MCM3AP: variants seen among roughly 807,000 people sequenced by gnomAD.
The protein encoded by MCM3AP is germinal-center associated nuclear protein.
In MCM3AP, 126 loss-of-function variants were observed where a neutral mutation model predicts 184.1. The observed-to-expected ratio is 0.68, with a 90% confidence interval of 0.59 to 0.79. The LOEUF (loss-of-function observed/expected upper bound fraction) is 0.79, where lower values mean the gene tolerates loss of function less well. Ranked by LOEUF, MCM3AP falls within the 30% of genes least tolerant of loss-of-function variation. The probability of loss-of-function intolerance (pLI) is 0.00; values close to 1 mark genes in which losing one functional copy is unlikely to be tolerated. For synonymous variants in MCM3AP, 1,002 were observed against 979.3 expected, an observed-to-expected ratio of 1.02 and a Z score of -0.43; for missense variants, 2,496 against 2,479.2, an observed-to-expected ratio of 1.01 and a Z score of -0.14.
At position 46,242,904 on chromosome 21, in the gene MCM3AP, C is replaced by T; in HGVS notation, c.5324G>A (p.Cys1775Tyr). ...SEALSEDGQI[C>Y]VYFFKNDLKK... is the part of the protein sequence containing the mutation. The stretch of plus-strand genomic sequence containing the variant: ...CAAATCGTTTTTAAAAAAATACACA[C>T]ATATCTGACCATCTTCACTCAGCGC... The change falls in exon 25 of 28, where the codon TGT becomes TAT. Residue 1775 changes from cysteine to tyrosine, a missense_variant. Around this residue, in one of 5 missense-constraint regions of MCM3AP, gnomAD observed 1,323 missense variants for 1,273.4 expected, o/e 1.04. Coordinates refer to ENST00000291688, the MANE Select transcript of MCM3AP (RefSeq NM_003906.5). The T allele has an allele frequency of 6.2e-7, 1 of 1,611,014 alleles. No individual in the cohort carries two copies. The highest frequency in any genetic ancestry group is 8.5e-7 in the Non-Finnish European group (1 of 1,178,734).
chr21:46,275,343 A>G lies in MCM3AP; in HGVS notation c.1859-18T>C, dbSNP rs193121619. 1.1e-4 allele frequency: 180 copies of G among 1,608,722 alleles called. 1 individual carries two copies. The Admixed American group carries it at 2.1e-3, about 19-fold the overall frequency. Reference sequence around the variant, plus strand: ...CACCCGAGCTAAATGACGTCAAGTAAAAGGTAAGAATGTACCACATGGTTA... The same window carrying G: ...CACCCGAGCTAAATGACGTCAAGTAGAAGGTAAGAATGTACCACATGGTTA... On this transcript the variant is annotated intron_variant, in intron 5 of 27. Coordinates refer to ENST00000291688, the MANE Select transcript of MCM3AP (RefSeq NM_003906.5).
At position 46,280,504 on chromosome 21, in the gene MCM3AP, C is replaced by T; in HGVS notation, c.1515G>A (p.Lys505=). The T allele has an allele frequency of 1.2e-6, 2 of 1,606,542 alleles. No homozygotes were observed. The highest frequency in any genetic ancestry group is 1.7e-6 in the Non-Finnish European group (2 of 1,175,022). The change falls in exon 3 of 28, where the codon AAG becomes AAA. Residue 505 remains lysine (K), a synonymous_variant. Transcript: ENST00000291688. ...HKDMAIFWHR[K]KISPNKKPFS... is the part of the protein sequence containing the mutation. Reference sequence around the variant, plus strand: ...GAATAATTGAAAACTCACTTATTTTCTTCCTGTGCCAAAAGATAGCCATGT... The same window carrying T: ...GAATAATTGAAAACTCACTTATTTTTTTCCTGTGCCAAAAGATAGCCATGT...
Position 46,267,487 on chromosome 21 carries a change from G to C in MCM3AP, c.2629-345C>G, listed in dbSNP as rs1363883027. On this transcript the variant is annotated intron_variant, in intron 9 of 27. Coordinates refer to ENST00000291688, the MANE Select transcript of MCM3AP (RefSeq NM_003906.5). ...GACAAAAGGCCAGGAAGGTGCTGCA[G>C]AGGACCCCGGAGACCATGGAATGCC... The C allele has an allele frequency of 1.4e-5, 3 of 221,126 alleles. No individual in the cohort carries two copies. In the East Asian group the frequency reaches 3.4e-4, roughly 25 times the overall value. The allele number at this position is 221,126 out of a possible 1,614,324, so 13.7% of individuals were successfully genotyped here.
Position 46,266,010 on chromosome 21 carries a change from G to A in MCM3AP, c.2946C>T (p.Ser982=), listed in dbSNP as rs763273799. The A allele has an allele frequency of 6.8e-6, 11 of 1,610,084 alleles. No individual in the cohort carries two copies. In the East Asian group the frequency reaches 2.5e-4, roughly 36 times the overall value. Residue 982 remains serine (S), a synonymous_variant, in exon 11 of 28, where the codon AGC becomes AGT. Transcript: ENST00000291688. The stretch of plus-strand genomic sequence containing the variant: ...CGATGTACTTGTTCTGGGAGTTGAA[G>A]CTGCACACAGGGGTATGACGAGGGA... The part of the protein sequence containing the change: ...PPVPRHTPVC[S]FNSQNKYIGE...
intron 5 of MCM3AP, among the ~76,000 whole-genome samples, chr21:46,276,737 AGC>A (rs943680153): frequency 3.8e-5 from 5 of 130,434 alleles, no homozygotes; most frequent in Non-Finnish European, 8.4e-5. Context: ...CACCACGCCC[AGC>A]ATTTTTTTTT....
Position 46,240,893 on chromosome 21 carries a change from G to A in MCM3AP, c.5551C>T (p.Leu1851=). The A allele has an allele frequency of 1.9e-6, 3 of 1,614,206 alleles. No individual in the cohort carries two copies. Among genetic ancestry groups the A allele is most frequent in the Non-Finnish European group, 2.5e-6 (3 of 1,180,022 alleles). ...QEGRIPSTED[L]MRGASAEELL... ...TCCTCAGCAGAAGCTCCTCGCATCA[G>A]ATCCTCTGTGCTGGGAATCCTCCCC... The change falls in exon 26 of 28, where the codon CTG becomes TTG. Residue 1851 remains leucine, a synonymous_variant. Transcript: ENST00000291688.
At chr21:46,266,369 A>G (rs2081112380) in intron 10 of MCM3AP, 2 of 485,594 alleles carry the variant, frequency 4.1e-6, no homozygotes, top group East Asian at 3.3e-5. Flanking sequence ...GCGTGTTAAC[A>G]GACGCACGCT....
chr21:46,245,231 C>G lies in MCM3AP; in HGVS notation c.4648-34G>C, dbSNP rs747416085. On this transcript the variant is annotated intron_variant, in intron 22 of 27. Transcript: ENST00000291688. ...AAAGAAGAGACTTGGTTGAACAATT[C>G]ACACTGTTTTTCAAAAACAGCTTTC... 3.2e-6 allele frequency: 5 copies of G among 1,564,678 alleles called. No homozygotes were observed. The Admixed American group carries it at 5.9e-5, about 19-fold the overall frequency.
intron 19 of MCM3AP, chr21:46,252,920 A>C (rs2080895412): frequency 6.6e-6 from 1 of 152,210 alleles, no homozygotes; most frequent in African/African-American, 2.4e-5. Flanking sequence ...AAGCATGCAG[A>C]TTGCTTGAGC....
At chr21:46,276,865 G>A (rs1419765062) in intron 5 of MCM3AP, among the ~76,000 whole-genome samples, 1 of 151,916 alleles carries the variant, frequency 6.6e-6, no homozygotes, top group Non-Finnish European at 1.5e-5. Flanking sequence ...AGCCTCCCAG[G>A]TAGCTGGGAC....
chr21:46,280,401 C>T, intron 3 of MCM3AP, 96 bp downstream of exon 3: 8 of 985,016 alleles, frequency 8.1e-6, no homozygotes, highest in Non-Finnish European at 1.2e-5. Context: ...TGCCTGTAAT[C>T]CCAAGATCAG....
At chr21:46,272,284 TTCC>T (rs2081190785) in intron 8 of MCM3AP, among the ~76,000 whole-genome samples, 1 of 152,224 alleles carries the variant, frequency 6.6e-6, no homozygotes, top group East Asian at 1.9e-4. Flanking sequence ...GGAGGATTCC[TTCC>T]TCATTTTCTC....
At chr21:46,271,990 G>A (rs760790441) in intron 8 of MCM3AP, among the ~76,000 whole-genome samples, 6 of 151,724 alleles carry the variant, frequency 4.0e-5, no homozygotes, top group South Asian at 2.1e-4. Flanking sequence ...AACTAAAGGG[G>A]ACACTGTCCA....
intron 20 of MCM3AP, among the ~76,000 whole-genome samples, chr21:46,248,673 A>C (rs948864147): frequency 1.3e-5 from 2 of 152,170 alleles, no homozygotes; most frequent in Non-Finnish European, 2.9e-5. Flanking sequence ...CTTAGACCCC[A>C]AAAACCCTAA....
chr21:46,248,060 G>C (rs1372728495), intron 20 of MCM3AP, among the ~76,000 whole-genome samples: 1 of 152,236 alleles, frequency 6.6e-6, no homozygotes, highest in African/African-American at 2.4e-5. Context: ...CAATCCCTGG[G>C]TTAGGGAAGC....
rs2839183 is a variant in MCM3AP, at chr21:46,267,230, G to A, written c.2629-88C>T. The A allele has an allele frequency of 0.39, 515,586 of 1,319,724 alleles. 102,898 individuals are homozygous for A. Among genetic ancestry groups the A allele is most frequent in the African/African-American group, 0.44 (30,112 of 69,012 alleles). 81.8% of individuals were successfully genotyped at this position (1,319,724 alleles called of 1,614,324 possible). A position where few individuals can be genotyped will look rare whatever the true frequency, so the allele number is the denominator to read the frequency against. ...GCCCATGACCACAGCCATGGCCAGCGTGGGGCACATGGGCTCCTCCTGGGC... is the reference window on the plus strand; with the variant it reads ...GCCCATGACCACAGCCATGGCCAGCATGGGGCACATGGGCTCCTCCTGGGC... On this transcript the variant is annotated intron_variant, in intron 9 of 27. Transcript: ENST00000291688.
chr21:46,267,113 G>A lies in MCM3AP; in HGVS notation c.2658C>T (p.Asn886=), dbSNP rs1172442544. 7.4e-6 allele frequency: 12 copies of A among 1,614,034 alleles called. No individual in the cohort carries two copies. Among genetic ancestry groups the A allele is most frequent in the Non-Finnish European group, 1.0e-5 (12 of 1,179,978 alleles). Residue 886 remains asparagine (N), a synonymous_variant, in exon 10 of 28, where the codon AAC becomes AAT. Transcript: ENST00000291688. ...QIRKDALRAL[N]FAYTVSTQRS... is the part of the protein sequence containing the mutation. ...GCTGTGTGCTCACCGTGTACGCAAA[G>A]TTGAGCGCCCGGAGAGCATCCTTGC... is the stretch of plus-strand genomic sequence containing the variant.
intron 20 of MCM3AP, 35 bp from the exon 21 acceptor site, chr21:46,246,921 C>T (rs754775630): frequency 4.4e-6 from 7 of 1,602,806 alleles, no homozygotes; most frequent in Non-Finnish European, 6.0e-6. Context: ...GAGAGATGCA[C>T]CATGGGACGC....
chr21:46,244,685 C>G (rs567477459), intron 23 of MCM3AP, 122 bp downstream of exon 23: 2 of 1,039,270 alleles, frequency 1.9e-6, no homozygotes, highest in Non-Finnish European at 2.8e-6. Context: ...TGGAGACACA[C>G]GGAGGTGGAC....
Sources: allele counts gnomAD v4.1 joint callset (sites outside exome capture counted in the v4.1 genomes callset), GRCh38; gene constraint gnomAD v4.1.1; regional missense constraint gnomAD v4.1.1; transcripts MANE v1.5; gene names NCBI Gene and HGNC (gene_info 2026-07-23, HGNC 2026-07-21).